SND1: variants seen among roughly 807,000 people sequenced by gnomAD.
SND1 encodes the protein staphylococcal nuclease and tudor domain containing 1.
Under a neutral mutation model 121.7 loss-of-function variants are expected in SND1, and 38 were observed. That is an observed-to-expected ratio of 0.31 (90% CI 0.24 to 0.41). The LOEUF (loss-of-function observed/expected upper bound fraction) is 0.41. Ranked by LOEUF, SND1 falls within the 10% of genes least tolerant of loss-of-function variation. SND1 has a pLI of 1.00. For missense variants in SND1, 868 were observed against 1,184.6 expected (o/e 0.73, Z 3.92); for synonymous variants, 401 against 447.4 (o/e 0.90, Z 1.31).
intron 16 of SND1, 130 bp downstream of exon 16, chr7:127,991,186 G>C: frequency 1.5e-6 from 1 of 651,108 alleles, no homozygotes; most frequent in Non-Finnish European, 2.7e-6. Flanking sequence ...ATCCATTCTT[G>C]TGTCTGCCCA....
At chr7:127,798,983 G>T (rs916806343) in intron 10 of SND1, among the ~76,000 whole-genome samples, 1 of 152,190 alleles carries the variant, frequency 6.6e-6, no homozygotes, top group Non-Finnish European at 1.5e-5. Context: ...GAACGTCAAG[G>T]CTACAGTGAG....
intron 15 of SND1, among the ~76,000 whole-genome samples, chr7:127,959,382 A>G (rs1432042911): frequency 6.6e-6 from 1 of 152,122 alleles, no homozygotes; most frequent in Non-Finnish European, 1.5e-5. Context: ...CCTGGGTACC[A>G]TTCTATTCTA....
intron 16 of SND1, among the ~76,000 whole-genome samples, chr7:128,008,553 C>T (rs148523014): frequency 3.3e-5 from 5 of 151,302 alleles, no homozygotes; most frequent in African/African-American, 1.2e-4. Flanking sequence ...TCCACGATTG[C>T]CCTCGAACTC....
chr7:127,827,755 C>T (rs1025372458), intron 11 of SND1, among the ~76,000 whole-genome samples: 7 of 151,922 alleles, frequency 4.6e-5, no homozygotes, highest in East Asian at 1.9e-4. Context: ...ATTTATTATG[C>T]GGGTTTTATT....
At chr7:127,948,820 C>T (rs920885778) in intron 15 of SND1, among the ~76,000 whole-genome samples, 3 of 152,230 alleles carry the variant, frequency 2.0e-5, no homozygotes, top group African/African-American at 4.8e-5. Context: ...AACCCTCTTC[C>T]GTTCCCAGTT....
At chr7:127,701,345 A>C in intron 5 of SND1, 22 bp downstream of exon 5, 1 of 1,608,468 alleles carries the variant, frequency 6.2e-7, no homozygotes, top group Non-Finnish European at 8.5e-7. Flanking sequence ...GGGAACAGAC[A>C]GATACGACTC....
At chr7:127,712,962 A>C (rs1034316390) in intron 9 of SND1, among the ~76,000 whole-genome samples, 2 of 152,262 alleles carry the variant, frequency 1.3e-5, no homozygotes, top group African/African-American at 4.8e-5. Flanking sequence ...AGTAATTGGC[A>C]GTTATTTCCT....
At chr7:128,036,338 A>G (rs1792750645) in intron 16 of SND1, among the ~76,000 whole-genome samples, 1 of 152,252 alleles carries the variant, frequency 6.6e-6, no homozygotes, top group Admixed American at 6.5e-5. Flanking sequence ...CTGTGATCCC[A>G]TAGTGAGGCT....
chr7:127,955,434 A>G (rs1801569549), intron 15 of SND1, among the ~76,000 whole-genome samples: 1 of 152,144 alleles, frequency 6.6e-6, no homozygotes, highest in African/African-American at 2.4e-5. Flanking sequence ...GCATTCCCAT[A>G]ACTCATCCTG....
intron 10 of SND1, among the ~76,000 whole-genome samples, chr7:127,768,702 G>A (rs1020169850): frequency 1.3e-5 from 2 of 152,120 alleles, no homozygotes; most frequent in Non-Finnish European, 2.9e-5. Flanking sequence ...ATATCAGAAT[G>A]ACAAATTACA....
intron 10 of SND1, among the ~76,000 whole-genome samples, chr7:127,748,217 A>G (rs1377696464): frequency 6.6e-6 from 1 of 152,166 alleles, no homozygotes; most frequent in Non-Finnish European, 1.5e-5. Context: ...TGTCTCCTGT[A>G]TCTTCCTCTT....
rs1185954951 is a variant in SND1, at chr7:127,887,997, T to A, written c.1439T>A (p.Leu480His). Residue 480 changes from leucine to histidine, a missense_variant, in exon 13 of 24, where the codon CTT becomes CAT. Leu to His is a moderately conservative substitution (Grantham distance 99, BLOSUM62 -3). Around this residue, in one of 2 missense-constraint regions of SND1, gnomAD observed 743 missense variants for 1,071.3 expected, o/e 0.69. Transcript: ENST00000354725. Reference sequence around the variant, plus strand: ...AGATCATCACACTACGATGAACTGCTTGCTGCAGAGGCCAGGTAAGACCAA... The same window carrying A: ...AGATCATCACACTACGATGAACTGCATGCTGCAGAGGCCAGGTAAGACCAA... ...DQRSSHYDELLAAEARAIKNG... is the reference protein window; with the variant it reads ...DQRSSHYDELHAAEARAIKNG... The A allele has an allele frequency of 1.2e-6, 2 of 1,611,100 alleles. No individual in the cohort carries two copies. The highest frequency in any genetic ancestry group is 1.7e-6 in the Non-Finnish European group (2 of 1,178,010).
intron 1 of SND1, among the ~76,000 whole-genome samples, chr7:127,672,579 C>T (rs1795539055): frequency 6.6e-6 from 1 of 151,650 alleles, no homozygotes; most frequent in Non-Finnish European, 1.5e-5. Flanking sequence ...CACCACTGCA[C>T]TCCAGCCTGG....
intron 2 of SND1, among the ~76,000 whole-genome samples, chr7:127,688,864 A>G (rs1795866623): frequency 6.6e-6 from 1 of 152,166 alleles, no homozygotes; most frequent in Admixed American, 6.5e-5. Context: ...AAAAAGCAAG[A>G]GTTTATGTGG....
chr7:127,858,207 C>A, intron 12 of SND1: 1 of 783,288 alleles, frequency 1.3e-6, no homozygotes, highest in South Asian at 1.4e-5. Flanking sequence ...GCCAACTGTT[C>A]CCTCGTTTCC....
chr7:127,698,107 T>G (rs1796039318), intron 3 of SND1, among the ~76,000 whole-genome samples: 1 of 152,212 alleles, frequency 6.6e-6, no homozygotes, highest in South Asian at 2.1e-4. Flanking sequence ...TGTTTAACTT[T>G]ATTTTTCTTG....
chr7:127,705,076 C>A, intron 8 of SND1, 131 bp downstream of exon 8: 1 of 708,678 alleles, frequency 1.4e-6, no homozygotes, highest in Non-Finnish European at 2.5e-6. Context: ...AGGGCAGTTC[C>A]TTATAGAGGA....
At chr7:127,690,148 A>G (rs766238430) in intron 2 of SND1, among the ~76,000 whole-genome samples, 2 of 151,862 alleles carry the variant, frequency 1.3e-5, no homozygotes, top group Non-Finnish European at 2.9e-5. Context: ...TTGAAACATA[A>G]TTTTATTTTT....
At chr7:127,897,319 T>A (rs1454279675) in intron 13 of SND1, among the ~76,000 whole-genome samples, 1 of 152,190 alleles carries the variant, frequency 6.6e-6, no homozygotes, top group Non-Finnish European at 1.5e-5. Flanking sequence ...AACTGAACAT[T>A]GTCACAGAAT....
Sources: allele counts gnomAD v4.1 joint callset (sites outside exome capture counted in the v4.1 genomes callset), GRCh38; gene constraint gnomAD v4.1.1; regional missense constraint gnomAD v4.1.1; transcripts MANE v1.5; gene names NCBI Gene and HGNC (gene_info 2026-07-23, HGNC 2026-07-21).